The following GIGYF1 variants were observed in gnomAD, a reference collection of about 807,000 sequenced individuals.
GIGYF1 encodes the protein GRB10 interacting GYF protein 1, also known as GRB10-interacting GYF protein 1.
A neutral mutation model predicts 147.1 loss-of-function variants in GIGYF1; 84 were observed. That is an observed-to-expected ratio of 0.57 (90% CI 0.48 to 0.68). The LOEUF (loss-of-function observed/expected upper bound fraction) is 0.68, where lower values mean the gene tolerates loss of function less well. GIGYF1 is among the 30% of genes least tolerant of loss of function. The pLI, the probability that GIGYF1 is intolerant of heterozygous loss-of-function variation, is 0.00. For synonymous variants in GIGYF1, 752 were observed against 589.5 expected (o/e 1.28, Z -3.99); for missense variants, 1,485 against 1,393.7 (o/e 1.07, Z -1.04).
At position 100,682,104 on chromosome 7, in the gene GIGYF1, G is replaced by T; in HGVS notation, c.2893C>A (p.Gln965Lys). The T allele has an allele frequency of 6.2e-7, 1 of 1,613,682 alleles. No individual in the cohort carries two copies. Among genetic ancestry groups the T allele is most frequent in the African/African-American group, 1.3e-5 (1 of 75,062 alleles). Reference sequence around the variant, plus strand: ...TGCTGCCGCTGCTGGCTGGCTTTCTGCTTGGCCCTCCGCTCCAGGAATTGT... The same window carrying T: ...TGCTGCCGCTGCTGGCTGGCTTTCTTCTTGGCCCTCCGCTCCAGGAATTGT... ...AKQFLERRAKQKASQQRQQQQ... is the reference protein window; with the variant it reads ...AKQFLERRAKKKASQQRQQQQ... The change falls in exon 25 of 27, where the codon CAG (glutamine) becomes AAG (lysine). Residue 965 changes from glutamine (Q) to lysine (K), a missense_variant. Transcript: ENST00000678049.
intron 6 of GIGYF1, 69 bp downstream of exon 6, chr7:100,687,719 C>A: frequency 6.5e-7 from 1 of 1,533,496 alleles, no homozygotes; most frequent in Non-Finnish European, 9.0e-7. Context: ...GCTGGCCCCT[C>A]TCCTCCTAAC....
chr7:100,684,389 G>T, intron 16 of GIGYF1, 52 bp from the exon 17 acceptor site: 1 of 1,602,148 alleles, frequency 6.2e-7, no homozygotes, highest in Admixed American at 1.7e-5. Flanking sequence ...AGGGGACTCT[G>T]CTGGACTCCT....
intron 1 of GIGYF1, among the ~76,000 whole-genome samples, chr7:100,693,699 G>C (rs1354505947): frequency 1.3e-5 from 2 of 152,098 alleles, no homozygotes; most frequent in Non-Finnish European, 2.9e-5. Context: ...AGGCGGCCCA[G>C]GGCAGGGCTT....
Position 100,680,901 on chromosome 7 carries a change from T to C in GIGYF1, c.*818A>G, listed in dbSNP as rs1804686926. ...TTCAAACCCAGGGTGTCCCCCAAAA[T>C]GGCAGCAGTGGGAGACGCCCCTCAC... On this transcript the variant is annotated 3_prime_UTR_variant, in exon 27 of 27. Transcript: ENST00000678049. 1 of 152,534 alleles carries C rather than the reference T, an allele frequency of 6.6e-6. No homozygotes were observed. Among genetic ancestry groups the C allele is most frequent in the Admixed American group, 6.6e-5 (1 of 15,264 alleles). The allele number at this position is 152,534 out of a possible 1,614,324, so 9.4% of individuals were successfully genotyped here.
In GIGYF1 at chr7:100,683,447, G is replaced by C; in HGVS notation, c.2053-3C>G. 6.2e-7 allele frequency: 1 copy of C among 1,614,142 alleles called. No individual in the cohort carries two copies. On this transcript the variant is annotated splice_polypyrimidine_tract_variant and splice_region_variant and intron_variant, in intron 20 of 26. Transcript: ENST00000678049. ...TCCACTTCTCTGCGCTCCTGGAACT[G>C]AGACCAGTGGCCCATCAGAGGGGAG...
rs1158101305 is a variant in GIGYF1, at chr7:100,680,079, T to C, written c.*1640A>G. 1 of 145,652 alleles carries C rather than the reference T, an allele frequency of 6.9e-6. No homozygotes were observed. Among genetic ancestry groups the C allele is most frequent in the Non-Finnish European group, 1.5e-5 (1 of 67,326 alleles). 9.0% of individuals were successfully genotyped at this position (145,652 alleles called of 1,614,324 possible). A position where few individuals can be genotyped will look rare whatever the true frequency, so the allele number is the denominator to read the frequency against. ...ATTGTCTTTTCAGGGACGCTAACAC[T>C]GTGGGAACCAGGGAGAGGCAGGTGG... On this transcript the variant is annotated 3_prime_UTR_variant, in exon 27 of 27. Coordinates refer to ENST00000678049, the MANE Select transcript of GIGYF1 (RefSeq NM_001375765.1).
rs1384401419 is a variant in GIGYF1 at position 100,684,455 on chromosome 7, G to C, written c.1624C>G (p.Leu542Val). 1 of 1,612,674 alleles carries C rather than the reference G, an allele frequency of 6.2e-7. No homozygotes were observed. The highest frequency in any genetic ancestry group is 8.5e-7 in the Non-Finnish European group (1 of 1,179,956). The change falls in exon 16 of 27, where the codon CTG becomes GTG. Residue 542 changes from leucine (L) to valine (V), a missense_variant. Leu to Val is a conservative substitution (Grantham distance 32, BLOSUM62 1). Transcript: ENST00000678049. ...GCAGGGGAGAAGCGGCTCACCAGCA[G>C]TGGGGGAGGTGAGGGCCCTGGGGCA... ...PFAPGPSPPP[L>V]LGNMDQERLK... is the part of the protein sequence containing the mutation.
rs1263497588 is a variant in GIGYF1, at chr7:100,680,769, C to T, written c.*950G>A. 2.0e-5 allele frequency: 3 copies of T among 152,792 alleles called. No homozygotes were observed. The highest frequency in any genetic ancestry group is 1.3e-4 in the Admixed American group (2 of 15,286). The allele number at this position is 152,792 out of a possible 1,614,324, so 9.5% of individuals were successfully genotyped here. On this transcript the variant is annotated 3_prime_UTR_variant, in exon 27 of 27. Transcript: ENST00000678049. ...CTCTGCAGCCTCTGGAGCAATCATC[C>T]ACCCCCGCCGCTCACAGGGGTGAGG...
chr7:100,691,929 A>G (rs964743338), intron 1 of GIGYF1, among the ~76,000 whole-genome samples: 1 of 152,250 alleles, frequency 6.6e-6, no homozygotes, highest in African/African-American at 2.4e-5. Flanking sequence ...CTCAGAACTC[A>G]AGAGAGAAAG....
In GIGYF1 at chr7:100,682,346, G is replaced by T; in HGVS notation, c.2737C>A (p.Leu913Met). ...TQWCEQMLHT[L>M]SATGSLDVPM... ...CCGTCCAGGCTGCCCGTGGCGCTCA[G>T]CGTGTGCAGCATCTGCTCGCACCAC... The change falls in exon 24 of 27, where the codon CTG becomes ATG. Residue 913 changes from leucine to methionine, a missense_variant. Leu to Met is a conservative substitution (Grantham distance 15). Transcript: ENST00000678049. 6.2e-7 allele frequency: 1 copy of T among 1,613,050 alleles called. No individual in the cohort carries two copies. Among genetic ancestry groups the T allele is most frequent in the Non-Finnish European group, 8.5e-7 (1 of 1,179,912 alleles).
In GIGYF1 at chr7:100,687,115, T is replaced by C. The variant is rs1805432173; in HGVS notation, c.483-69A>G. On this transcript the variant is annotated intron_variant, in intron 8 of 26. Coordinates refer to ENST00000678049, the MANE Select transcript of GIGYF1 (RefSeq NM_001375765.1). ...CCTGCCACCCTGTGCAACCGCCCCATGCCTTGTCCACTGTGCCCTGAGGCA... is the reference window on the plus strand; with the variant it reads ...CCTGCCACCCTGTGCAACCGCCCCACGCCTTGTCCACTGTGCCCTGAGGCA... 3 of 1,595,594 alleles carry C rather than the reference T, an allele frequency of 1.9e-6. No individual in the cohort carries two copies. The Admixed American group carries it at 5.0e-5, about 27-fold the overall frequency.
rs767907287 is a variant in GIGYF1 at position 100,683,227 on chromosome 7, G to A, written c.2197C>T (p.Arg733Trp). The A allele has an allele frequency of 1.1e-5, 17 of 1,611,786 alleles. No individual in the cohort carries two copies. Among genetic ancestry groups the A allele is most frequent in the South Asian group, 8.8e-5 (8 of 91,096 alleles). Residue 733 changes from arginine (R) to tryptophan (W), a missense_variant, in exon 22 of 27, where the codon CGG becomes TGG. Arg to Trp is a moderately radical substitution (Grantham distance 101, BLOSUM62 -3). Transcript: ENST00000678049. The part of the protein sequence containing the change: ...EEELFRRKHV[R>W]QQELLLKLLQ... ...AACTTCAGCAATAGCTCCTGCTGCCGCACCTAAGAGGGGGACATGGTGAGG... is the reference window on the plus strand; with the variant it reads ...AACTTCAGCAATAGCTCCTGCTGCCACACCTAAGAGGGGGACATGGTGAGG...
At chr7:100,690,608 C>G (rs1003058585) in intron 1 of GIGYF1, among the ~76,000 whole-genome samples, 17 of 152,034 alleles carry the variant, frequency 1.1e-4, no homozygotes, top group South Asian at 2.1e-4. Context: ...GTGGCAAAAC[C>G]CTGTCTCTAC....
intron 1 of GIGYF1, among the ~76,000 whole-genome samples, chr7:100,690,721 G>C (rs1176327003): frequency 1.4e-5 from 2 of 147,888 alleles, no homozygotes; most frequent in African/African-American, 5.1e-5. Flanking sequence ...GGCGGAGGTT[G>C]CAGTGAGCTG....
At position 100,681,914 on chromosome 7, in the gene GIGYF1, C is replaced by T; in HGVS notation, c.3005G>A (p.Ser1002Asn). The T allele has an allele frequency of 6.2e-7, 1 of 1,611,122 alleles. No individual in the cohort carries two copies. Among genetic ancestry groups the T allele is most frequent in the South Asian group, 1.1e-5 (1 of 91,076 alleles). The change falls in exon 26 of 27, where the codon AGC becomes AAC. Residue 1002 changes from serine (S) to asparagine (N), a missense_variant. Transcript: ENST00000678049. ...HSTKLGPGEGSKAKRRALMLH... is the reference protein window; with the variant it reads ...HSTKLGPGEGNKAKRRALMLH... ...CATCAGTGCCCGCCTCTTGGCCTTG[C>T]TGCCCTCCCCGGGGCCGAGTTTGGT... is the stretch of plus-strand genomic sequence containing the variant.
Position 100,686,773 on chromosome 7 carries a change from G to T in GIGYF1, c.570C>A (p.His190Gln). 6.2e-7 allele frequency: 1 copy of T among 1,614,044 alleles called. No homozygotes were observed. The highest frequency in any genetic ancestry group is 8.5e-7 in the Non-Finnish European group (1 of 1,180,002). ...GCCAGTTCTCGCTGTCTGAGCGGGC[G>T]TGCTCCTTCCTTGGGCCAGCCCCTC... ...EEGGAGPRKEHARSDSENWRS... is the reference protein window; with the variant it reads ...EEGGAGPRKEQARSDSENWRS... Residue 190 changes from histidine (H) to glutamine (Q), a missense_variant, in exon 10 of 27, where the codon CAC becomes CAA. His to Gln is a conservative substitution (Grantham distance 24). Coordinates refer to ENST00000678049, the MANE Select transcript of GIGYF1 (RefSeq NM_001375765.1).
At chr7:100,689,998 AG>A in intron 1 of GIGYF1, among the ~76,000 whole-genome samples, 1 of 152,296 alleles carries the variant, frequency 6.6e-6, no homozygotes, top group Middle Eastern at 3.4e-3. Context: ...CTGTTGCTGA[AG>A]GGTCCAGAGC....
At chr7:100,687,216 C>T in intron 8 of GIGYF1, 82 bp downstream of exon 8, 1 of 1,479,412 alleles carries the variant, frequency 6.8e-7, no homozygotes, top group South Asian at 1.2e-5. Flanking sequence ...TCTGGTGGGC[C>T]TCTGTTACCC....
In GIGYF1 at chr7:100,686,310, G is replaced by C; in HGVS notation, c.818C>G (p.Ser273Cys). The C allele has an allele frequency of 1.2e-6, 2 of 1,613,966 alleles. No homozygotes were observed. Among genetic ancestry groups the C allele is most frequent in the Non-Finnish European group, 1.7e-6 (2 of 1,180,000 alleles). The stretch of plus-strand genomic sequence containing the variant: ...AGGCGCTCGGCACCGCCGCAGGTGA[G>C]AGCTGCCTCCCCCTCCCCGCCCCTC... Reference protein sequence around the residue: ...EEEGRGGGGSSHLRRCRAPEG... With the variant: ...EEEGRGGGGSCHLRRCRAPEG... The change falls in exon 11 of 27, where the codon TCT becomes TGT. Residue 273 changes from serine to cysteine, a missense_variant. Physicochemically the swap from Ser to Cys is moderately radical, Grantham distance 112. Transcript: ENST00000678049.
Sources: gnomAD v4.1 joint callset for allele counts (sites outside exome capture counted in the v4.1 genomes callset) on GRCh38, gnomAD v4.1.1 for gene constraint, MANE v1.5 for transcripts, NCBI Gene and HGNC (gene_info 2026-07-23, HGNC 2026-07-21) for gene names.